Variants in NLRP8 observed in about 807,000 individuals in gnomAD.
The protein encoded by NLRP8 is NLR family pyrin domain containing 8.
A neutral mutation model predicts 88.7 loss-of-function variants in NLRP8; 86 were observed. The ratio of observed to expected loss-of-function variants is 0.97; its 90% CI spans 0.81 to 1.16. NLRP8 has a LOEUF of 1.16. Ranked by LOEUF, NLRP8 falls within the 50% of genes most tolerant of loss-of-function variation. NLRP8 has a pLI of 0.00. For missense variants in NLRP8, 1,342 were observed against 1,286.5 expected (o/e 1.04, Z -0.66); for synonymous variants, 504 against 494.6 (o/e 1.02, Z -0.25).
intron 1 of NLRP8, among the ~76,000 whole-genome samples, chr19:55,949,788 GGA>G (rs930499009): frequency 6.6e-6 from 1 of 152,192 alleles, no homozygotes; most frequent in African/African-American, 2.4e-5. Flanking sequence ...CATAAACACA[GGA>G]GAGTGGGTGC....
chr19:55,962,664 C>T (rs1208346690), intron 4 of NLRP8, among the ~76,000 whole-genome samples: 1 of 152,106 alleles, frequency 6.6e-6, no homozygotes, highest in Non-Finnish European at 1.5e-5. Context: ...AGACCAGTCC[C>T]AGCTACTTGG....
At chr19:55,965,334 C>G (rs1979788267) in intron 4 of NLRP8, among the ~76,000 whole-genome samples, 1 of 151,922 alleles carries the variant, frequency 6.6e-6, no homozygotes, top group Admixed American at 6.6e-5. Context: ...GCCTGTAGTT[C>G]CAGCTACTTG....
intron 9 of NLRP8, among the ~76,000 whole-genome samples, chr19:55,980,288 A>C (rs1382770625): frequency 6.6e-6 from 1 of 152,216 alleles, no homozygotes; most frequent in Non-Finnish European, 1.5e-5. Flanking sequence ...CACATACGGC[A>C]CTTAACACAG....
chr19:55,953,794 T>A lies in NLRP8; in HGVS notation c.443-707T>A, dbSNP rs1979205904. Among the ~76,000 whole-genome samples, 3 of 124,740 alleles carry A rather than the reference T, an allele frequency of 2.4e-5. No individual in the cohort carries two copies. In the South Asian group the frequency reaches 9.0e-4, roughly 37 times the overall value. 81.8% of individuals were successfully genotyped at this position (124,740 alleles called of 152,430 possible). A position where few individuals can be genotyped will look rare whatever the true frequency, so the allele number is the denominator to read the frequency against. On this transcript the variant is annotated intron_variant, in intron 2 of 9. Transcript: ENST00000291971. ...AGGCGTAAGCCACTGTGCCTGGCCTTTTTTTTTTTTTTTTTTTTTTTTTTT... is the reference window on the plus strand; with the variant it reads ...AGGCGTAAGCCACTGTGCCTGGCCTATTTTTTTTTTTTTTTTTTTTTTTTT...
chr19:55,962,346 T>C (rs998448100), intron 4 of NLRP8, 109 bp downstream of exon 4: 4 of 1,185,180 alleles, frequency 3.4e-6, no homozygotes, highest in Non-Finnish European at 3.5e-6. Flanking sequence ...AAAGCACCCA[T>C]GTCCAGCCTT....
chr19:55,952,422 G>A, intron 1 of NLRP8, 116 bp from the exon 2 acceptor site: 1 of 749,146 alleles, frequency 1.3e-6, no homozygotes, highest in Non-Finnish European at 2.4e-6. Context: ...GTGAGAGGAT[G>A]AGACTCTGAA....
In NLRP8 at chr19:55,952,341, C is replaced by A. The variant is rs199475834; in HGVS notation, c.368-197C>A. Among the ~76,000 whole-genome samples, 43 of 152,222 alleles carry A rather than the reference C, an allele frequency of 2.8e-4. No individual in the cohort carries two copies. The highest frequency in any genetic ancestry group is 2.8e-3 in the Admixed American group (42 of 15,240). The stretch of plus-strand genomic sequence containing the variant: ...TACTCAATGCATTGTAGAACAACAC[C>A]TTTTCTCATTTCCTAAAATTGCTGT... On this transcript the variant is annotated intron_variant, in intron 1 of 9. Transcript: ENST00000291971.
chr19:55,951,727 T>C (rs555696085), intron 1 of NLRP8, among the ~76,000 whole-genome samples: 2 of 152,318 alleles, frequency 1.3e-5, no homozygotes, highest in East Asian at 3.9e-4. Context: ...GTAAATGCTA[T>C]GTAAATAGTT....
In NLRP8 at chr19:55,948,051, A is replaced by G. The variant is rs755016992; in HGVS notation, c.149A>G (p.His50Arg). The change falls in exon 1 of 10, where the codon CAT (histidine) becomes CGT (arginine). Residue 50 changes from histidine to arginine, a missense_variant. Physicochemically the swap from His to Arg is conservative, Grantham distance 29 (BLOSUM62 0). Transcript: ENST00000291971. ...ATGCTGTACATGAGAAACGTGAGCC[A>G]TGAGGAGCTACAACGGTTCAAGCAG... is the stretch of plus-strand genomic sequence containing the variant. 2.5e-6 allele frequency: 4 copies of G among 1,614,064 alleles called. No individual in the cohort carries two copies. In the African/African-American group the frequency reaches 4.0e-5, roughly 16 times the overall value.
intron 4 of NLRP8, 92 bp from the exon 5 acceptor site, chr19:55,966,121 C>G (rs574505648): frequency 8.6e-7 from 1 of 1,160,342 alleles, no homozygotes; most frequent in East Asian, 2.4e-5. Context: ...ACCTGTCCCA[C>G]GTGCAGCTTC....
In NLRP8 at chr19:55,957,660, G is replaced by GAAAAAA. The variant is rs58020055; in HGVS notation, c.2042+1561_2042+1566dup. Among the ~76,000 whole-genome samples the GAAAAAA allele has an allele frequency of 2.2e-3, 204 of 93,462 alleles. 11 individuals are homozygous for GAAAAAA. Among genetic ancestry groups the GAAAAAA allele is most frequent in the African/African-American group, 0.012 (186 of 15,642 alleles). 61.3% of individuals were successfully genotyped at this position (93,462 alleles called of 152,430 possible). On this transcript the variant is annotated intron_variant, in intron 3 of 9. Transcript: ENST00000291971. ...GAGATCGCGCCACTATCTTAAAAAA[G>GAAAAAA]AAAAAATAATAATTATATATATATA...
At chr19:55,983,560 T>C (rs1980665626) in intron 9 of NLRP8, among the ~76,000 whole-genome samples, 1 of 151,444 alleles carries the variant, frequency 6.6e-6, no homozygotes, top group African/African-American at 2.4e-5. Context: ...GGAGACTCGA[T>C]GTACTCACAT....
At position 55,947,961 on chromosome 19, in the gene NLRP8, A is replaced by G; in HGVS notation, c.59A>G (p.His20Arg). 1 of 1,613,894 alleles carries G rather than the reference A, an allele frequency of 6.2e-7. No individual in the cohort carries two copies. The highest frequency in any genetic ancestry group is 1.1e-5 in the South Asian group (1 of 91,068). Residue 20 changes from histidine to arginine, a missense_variant, in exon 1 of 10, where the codon CAC becomes CGC. His to Arg is a conservative substitution (Grantham distance 29, BLOSUM62 0). Transcript: ENST00000291971. ...ATTCCCTTTTCATCCTCCTCCACTC[A>G]CAGTTCTCATATTCCGCCCTGGACA... is the stretch of plus-strand genomic sequence containing the variant.
At chr19:55,953,315 T>A (rs1344848191) in intron 2 of NLRP8, among the ~76,000 whole-genome samples, 2 of 152,122 alleles carry the variant, frequency 1.3e-5, no homozygotes, top group African/African-American at 2.4e-5. Context: ...TACATTATAC[T>A]GAGTTGTATA....
chr19:55,952,149 T>C (rs558214892), intron 1 of NLRP8, among the ~76,000 whole-genome samples: 1 of 152,292 alleles, frequency 6.6e-6, no homozygotes, highest in East Asian at 1.9e-4. Flanking sequence ...CCGATGTAGA[T>C]CCCACGGTAA....
At chr19:55,948,378 A>G (rs551492755) in intron 1 of NLRP8, 109 bp downstream of exon 1, 1 of 1,158,628 alleles carries the variant, frequency 8.6e-7, no homozygotes, top group East Asian at 2.4e-5. Context: ...AAGAAAGCAA[A>G]CAGTGGAGGA....
chr19:55,970,433 C>T, intron 5 of NLRP8, 111 bp from the exon 6 acceptor site: 1 of 1,259,162 alleles, frequency 7.9e-7, no homozygotes, highest in South Asian at 1.6e-5. Context: ...GGAAATAATC[C>T]CCCGAGTCTC....
chr19:55,966,791 G>A (rs1313370169), intron 5 of NLRP8, among the ~76,000 whole-genome samples: 1 of 152,112 alleles, frequency 6.6e-6, no homozygotes, highest in African/African-American at 2.4e-5. Context: ...ACTCCAGCCT[G>A]AGCGACAGAG....
At chr19:55,968,565 A>C (rs551723931) in intron 5 of NLRP8, among the ~76,000 whole-genome samples, 1 of 151,922 alleles carries the variant, frequency 6.6e-6, no homozygotes, top group Admixed American at 6.6e-5. Context: ...ACATGGTGAA[A>C]CCCTGTCTCT....
Sources: gnomAD v4.1 joint callset for allele counts (sites outside exome capture counted in the v4.1 genomes callset) on GRCh38, gnomAD v4.1.1 for gene constraint, MANE v1.5 for transcripts, NCBI Gene and HGNC (gene_info 2026-07-23, HGNC 2026-07-21) for gene names.